The following ANKRD18B variants were observed in gnomAD, a reference collection of about 807,000 sequenced individuals.
ANKRD18B encodes the protein ankyrin repeat domain 18B, also known as ankyrin repeat domain-containing protein 18B.
ANKRD18B carries 75 observed loss-of-function variants against 111.8 expected under a neutral mutation model. The ratio of observed to expected loss-of-function variants is 0.67; its 90% CI spans 0.56 to 0.81. ANKRD18B has a LOEUF of 0.81. Ranked by LOEUF, ANKRD18B falls within the 40% of genes least tolerant of loss-of-function variation. The pLI, the probability that ANKRD18B is intolerant of heterozygous loss-of-function variation, is 0.00. For synonymous variants in ANKRD18B, 356 were observed against 417.3 expected (o/e 0.85, Z 1.79); for missense variants, 1,038 against 1,225.5 (o/e 0.85, Z 2.28).
At chr9:33,559,651 C>G (rs1176674007) in intron 14 of ANKRD18B, among the ~76,000 whole-genome samples, 2 of 151,960 alleles carry the variant, frequency 1.3e-5, no homozygotes, top group African/African-American at 4.8e-5. Flanking sequence ...TAAAAAGATA[C>G]TTTAAAAAAT....
At chr9:33,556,844 A>C (rs763884323) in intron 13 of ANKRD18B, among the ~76,000 whole-genome samples, 6 of 152,168 alleles carry the variant, frequency 3.9e-5, no homozygotes, top group Non-Finnish European at 8.8e-5. Flanking sequence ...CTCATTTTAC[A>C]TGGGTAGCTC....
chr9:33,568,480 T>C (rs1479771574), intron 16 of ANKRD18B, among the ~76,000 whole-genome samples, 191 bp from the exon 17 acceptor site: 2 of 152,228 alleles, frequency 1.3e-5, no homozygotes, highest in Non-Finnish European at 2.9e-5. Context: ...TAGAAACACA[T>C]ATACTTATTT....
rs762637846 is a variant in ANKRD18B, at chr9:33,550,541, T to C, written c.2179T>C (p.Trp727Arg). The change falls in exon 12 of 19, where the codon TGG becomes CGG. Residue 727 changes from tryptophan (W) to arginine (R), a missense_variant. Physicochemically the swap from Trp to Arg is moderately radical, Grantham distance 101. This residue lies in a region of ANKRD18B where 524 missense variants were observed against 677.9 expected (regional missense o/e 0.77). Transcript: ENST00000684830. ...TTGTCATATTAATTTGGATGAGACA[T>C]GGACTTCAAAGAAGAAATTATTTCA... is the stretch of plus-strand genomic sequence containing the variant. ...SHCHINLDET[W>R]TSKKKLFQVE... 5 of 1,540,778 alleles carry C rather than the reference T, an allele frequency of 3.2e-6. No individual in the cohort carries two copies. In the African/African-American group the frequency reaches 4.1e-5, roughly 13 times the overall value.
At chr9:33,564,472 A>G (rs1255386490) in intron 14 of ANKRD18B, among the ~76,000 whole-genome samples, 8 of 152,226 alleles carry the variant, frequency 5.3e-5, no homozygotes, top group Non-Finnish European at 8.8e-5. Context: ...GATTTTATAC[A>G]TTAGCTGTTG....
chr9:33,524,525 C>A lies in ANKRD18B; in HGVS notation c.36C>A (p.Gly12=). The A allele has an allele frequency of 1.3e-6, 2 of 1,551,068 alleles. No individual in the cohort carries two copies. Residue 12 remains glycine, a synonymous_variant, in exon 1 of 19, where the codon GGC becomes GGA. Coordinates refer to ENST00000684830, the MANE Select transcript of ANKRD18B (RefSeq NM_001393611.1). ...RKLLSFGRRL[G]QALLSSMDQE... ...TCCTCAGTTTTGGGAGACGCCTGGG[C>A]CAGGCGCTCCTGAGCTCCATGGACC...
chr9:33,544,018 C>T (rs1286124787), intron 10 of ANKRD18B, among the ~76,000 whole-genome samples: 1 of 152,088 alleles, frequency 6.6e-6, no homozygotes, highest in Non-Finnish European at 1.5e-5. Context: ...ATTTTGGCTT[C>T]TAATAATTTA....
chr9:33,534,575 C>G (rs1828168158), intron 5 of ANKRD18B, 68 bp downstream of exon 5: 1 of 1,439,006 alleles, frequency 6.9e-7, no homozygotes, highest in Non-Finnish European at 9.1e-7. Context: ...ACTATTGCAT[C>G]TTATACATTA....
intron 6 of ANKRD18B, among the ~76,000 whole-genome samples, chr9:33,537,869 G>A (rs1397323805): frequency 3.9e-5 from 6 of 152,122 alleles, no homozygotes; most frequent in African/African-American, 1.4e-4. Flanking sequence ...GAGAAATGAA[G>A]CTGTTATAAA....
rs1166582220 is a variant in ANKRD18B, at chr9:33,555,630, C to T, written c.2218-78C>T. On this transcript the variant is annotated intron_variant, in intron 12 of 18. Coordinates refer to ENST00000684830, the MANE Select transcript of ANKRD18B (RefSeq NM_001393611.1). ...TGCCTAAATACATATTATTCATCAA[C>T]TTATGAGAAATAATATTTTTAAGAT... 14 of 1,089,348 alleles carry T rather than the reference C, an allele frequency of 1.3e-5. No homozygotes were observed. In the African/African-American group the frequency reaches 2.1e-4, roughly 17 times the overall value. The allele number at this position is 1,089,348 out of a possible 1,614,324, so 67.5% of individuals were successfully genotyped here. A position where few individuals can be genotyped will look rare whatever the true frequency, so the allele number is the denominator to read the frequency against.
At chr9:33,530,791 T>C (rs939149741) in intron 3 of ANKRD18B, among the ~76,000 whole-genome samples, 1 of 152,242 alleles carries the variant, frequency 6.6e-6, no homozygotes, top group Non-Finnish European at 1.5e-5. Flanking sequence ...AATGACACTT[T>C]TTGCTTCCCA....
At chr9:33,566,196 G>T in intron 14 of ANKRD18B, 23 bp from the exon 15 acceptor site, 8 of 1,529,616 alleles carry the variant, frequency 5.2e-6, no homozygotes, top group Non-Finnish European at 7.0e-6. Flanking sequence ...TCATTATCAA[G>T]CTCTATTATT....
rs1208201496 is a variant in ANKRD18B, at chr9:33,543,200, T to G, written c.1094T>G (p.Val365Gly). ...KEGAKEHNLK[V>G]ASEEKQERLE... ...TTGTCAGCAGAACACAACTTAAAAG[T>G]GGCTTCAGAGGAAAAGCAAGAAAGG... is the stretch of plus-strand genomic sequence containing the variant. The change falls in exon 10 of 19, where the codon GTG becomes GGG. Residue 365 changes from valine (V) to glycine (G), a missense_variant. Coordinates refer to ENST00000684830, the MANE Select transcript of ANKRD18B (RefSeq NM_001393611.1). 3 of 1,552,646 alleles carry G rather than the reference T, an allele frequency of 1.9e-6. No homozygotes were observed. Among genetic ancestry groups the G allele is most frequent in the Non-Finnish European group, 2.6e-6 (3 of 1,147,238 alleles).
At chr9:33,539,943 ACAC>A in intron 7 of ANKRD18B, 132 bp from the exon 8 acceptor site, 1 of 150,212 alleles carries the variant, frequency 6.7e-6, no homozygotes, top group Admixed American at 6.7e-5. Context: ...ACAGCTCCAA[ACAC>A]CATGTTCTCA....
At chr9:33,547,241 T>A (rs776547472) in intron 10 of ANKRD18B, among the ~76,000 whole-genome samples, 1 of 152,154 alleles carries the variant, frequency 6.6e-6, no homozygotes, top group African/African-American at 2.4e-5. Flanking sequence ...TGTGATCTGA[T>A]GGAGAACTGG....
At chr9:33,529,768 G>C (rs1015695452) in intron 3 of ANKRD18B, among the ~76,000 whole-genome samples, 18 of 152,068 alleles carry the variant, frequency 1.2e-4, no homozygotes, top group African/African-American at 3.9e-4. Flanking sequence ...TTTTTGGTTT[G>C]GTAAAAAGAG....
chr9:33,541,478 C>T (rs1220875736), intron 9 of ANKRD18B, among the ~76,000 whole-genome samples: 3 of 152,194 alleles, frequency 2.0e-5, no homozygotes, highest in South Asian at 2.1e-4. Flanking sequence ...GAGATAGAAG[C>T]ATCCCTTGAG....
chr9:33,566,113 A>C (rs1250808146), intron 14 of ANKRD18B, 106 bp from the exon 15 acceptor site: 1 of 1,006,938 alleles, frequency 9.9e-7, no homozygotes, highest in African/African-American at 1.6e-5. Flanking sequence ...TACATTATAG[A>C]TAACATTTTA....
At chr9:33,565,813 A>G (rs1828676146) in intron 14 of ANKRD18B, among the ~76,000 whole-genome samples, 1 of 152,168 alleles carries the variant, frequency 6.6e-6, no homozygotes, top group African/African-American at 2.4e-5. Flanking sequence ...TCTGGGAGCC[A>G]TTTATTGACT....
At chr9:33,535,719 A>G (rs959007400) in intron 5 of ANKRD18B, among the ~76,000 whole-genome samples, 10 of 146,628 alleles carry the variant, frequency 6.8e-5, no homozygotes, top group African/African-American at 2.5e-4. Context: ...TTATATTTAT[A>G]TTATTTTATA....
Sources: gnomAD v4.1 joint callset for allele counts (sites outside exome capture counted in the v4.1 genomes callset) on GRCh38, gnomAD v4.1.1 for gene constraint, gnomAD v4.1.1 regional missense constraint, MANE v1.5 for transcripts, NCBI Gene and HGNC (gene_info 2026-07-23, HGNC 2026-07-21) for gene names.